KCNN2: variants seen among roughly 807,000 people sequenced by gnomAD.
KCNN2 encodes the protein potassium calcium-activated channel subfamily N member 2.
KCNN2 carries 24 observed loss-of-function variants against 55.5 expected under a neutral mutation model. That is an observed-to-expected ratio of 0.43 (90% CI 0.31 to 0.61). The LOEUF (loss-of-function observed/expected upper bound fraction) is 0.61, where lower values mean the gene tolerates loss of function less well. Ranked by LOEUF, KCNN2 falls within the 20% of genes least tolerant of loss-of-function variation. The pLI is 0.08. For synonymous variants in KCNN2, 431 were observed against 336.1 expected, an observed-to-expected ratio of 1.28 and a Z score of -3.09; for missense variants, 754 against 853.6, an observed-to-expected ratio of 0.88 and a Z score of 1.45.
intron 3 of KCNN2, among the ~76,000 whole-genome samples, chr5:114,428,595 CTT>C (rs1388720343): frequency 6.6e-6 from 1 of 151,936 alleles, no homozygotes; most frequent in African/African-American, 2.4e-5. Flanking sequence ...ATACTAATGT[CTT>C]TGTGAAAATT....
intron 2 of KCNN2, among the ~76,000 whole-genome samples, chr5:114,332,787 C>T (rs1056458635): frequency 6.6e-6 from 1 of 152,202 alleles, no homozygotes; most frequent in Non-Finnish European, 1.5e-5. Context: ...TGCTTTAATA[C>T]ATTGAATTAA....
chr5:114,164,653 T>C (rs529263730), intron 1 of KCNN2, among the ~76,000 whole-genome samples: 9 of 152,278 alleles, frequency 5.9e-5, no homozygotes, highest in East Asian at 5.8e-4. Context: ...TCCATTAAAA[T>C]TGGAATTCTA....
intron 1 of KCNN2, among the ~76,000 whole-genome samples, chr5:114,071,160 G>A (rs940555783): frequency 3.9e-5 from 6 of 152,198 alleles, no homozygotes; most frequent in African/African-American, 1.4e-4. Context: ...ATTAAAGGAT[G>A]TTATATAATG....
intron 1 of KCNN2, among the ~76,000 whole-genome samples, chr5:114,159,028 C>T (rs896633606): frequency 6.6e-6 from 1 of 152,052 alleles, no homozygotes; most frequent in Non-Finnish European, 1.5e-5. Flanking sequence ...TGGCCAGAAC[C>T]TCCAACACTA....
intron 1 of KCNN2, among the ~76,000 whole-genome samples, chr5:114,173,709 C>A (rs1174519433): frequency 6.6e-6 from 1 of 150,728 alleles, no homozygotes; most frequent in Non-Finnish European, 1.5e-5. Flanking sequence ...TCCTTTAGTT[C>A]TTTTGTTAAT....
intron 2 of KCNN2, among the ~76,000 whole-genome samples, chr5:114,306,395 C>G (rs1047270219): frequency 6.6e-6 from 1 of 152,164 alleles, no homozygotes; most frequent in African/African-American, 2.4e-5. Flanking sequence ...ATTAAAGTCC[C>G]TGGTAGTGAT....
chr5:114,321,824 C>A (rs538236767), intron 2 of KCNN2, among the ~76,000 whole-genome samples: 2 of 152,272 alleles, frequency 1.3e-5, no homozygotes, highest in African/African-American at 4.8e-5. Flanking sequence ...CACGTGCCAC[C>A]ATGCCCGGCT....
chr5:114,085,667 T>C (rs1323211017), intron 1 of KCNN2, among the ~76,000 whole-genome samples: 1 of 152,100 alleles, frequency 6.6e-6, no homozygotes, highest in Non-Finnish European at 1.5e-5. Context: ...CAGCATAAAA[T>C]CTAAGTTGGT....
intron 1 of KCNN2, among the ~76,000 whole-genome samples, chr5:114,085,703 A>C (rs1043043299): frequency 6.6e-6 from 1 of 152,090 alleles, no homozygotes; most frequent in Non-Finnish European, 1.5e-5. Flanking sequence ...ACTTGAAAAT[A>C]ATTTTGAGTT....
chr5:114,398,730 T>G (rs1350496616), intron 2 of KCNN2, among the ~76,000 whole-genome samples: 6 of 152,210 alleles, frequency 3.9e-5, no homozygotes, highest in Non-Finnish European at 7.3e-5. Flanking sequence ...GGCAGTGTTT[T>G]GTAATTTTCC....
intron 2 of KCNN2, among the ~76,000 whole-genome samples, chr5:114,395,075 GA>G (rs1758575094): frequency 6.6e-6 from 1 of 152,174 alleles, no homozygotes; most frequent in Admixed American, 6.6e-5. Flanking sequence ...GATGTTTAAT[GA>G]ATTGTCCCCG....
At chr5:114,142,711 A>G (rs574781501) in intron 1 of KCNN2, among the ~76,000 whole-genome samples, 1 of 152,170 alleles carries the variant, frequency 6.6e-6, no homozygotes, top group Non-Finnish European at 1.5e-5. Flanking sequence ...CAACAAAATA[A>G]AAGAGGACAC....
chr5:114,473,725 A>G (rs1199186511), intron 5 of KCNN2, among the ~76,000 whole-genome samples: 1 of 152,190 alleles, frequency 6.6e-6, no homozygotes, highest in African/African-American at 2.4e-5. Flanking sequence ...CAGTAATCAC[A>G]ATGTTTAAGA....
chr5:114,137,185 G>C (rs1476128187), intron 1 of KCNN2, among the ~76,000 whole-genome samples: 2 of 152,132 alleles, frequency 1.3e-5, no homozygotes, highest in African/African-American at 4.8e-5. Context: ...GTTATGCACA[G>C]GTCATGAAGT....
intron 2 of KCNN2, among the ~76,000 whole-genome samples, chr5:114,309,504 A>G (rs1756355708): frequency 6.6e-6 from 1 of 152,226 alleles, no homozygotes; most frequent in Admixed American, 6.5e-5. Context: ...TTCCTCAAAT[A>G]TTAGGAGACA....
At position 114,404,489 on chromosome 5, in the gene KCNN2, G is replaced by A. The variant is rs1428004692; in HGVS notation, c.1270G>A (p.Glu424Lys). ...ADDWRIAMTY[E>K]RIFFICLEIL... ...TGACTGGAGAATAGCCATGACTTAT[G>A]AGCGTATTTTCTTCATCTGCTTGGA... The change falls in exon 3 of 8, where the codon GAG (glutamate) becomes AAG (lysine). Residue 424 changes from glutamate to lysine, a missense_variant. Glu to Lys is a moderately conservative substitution (Grantham distance 56, BLOSUM62 1). Around this residue, in one of 4 missense-constraint regions of KCNN2, gnomAD observed 123 missense variants for 204.9 expected, o/e 0.60. Coordinates refer to ENST00000673685, the MANE Select transcript of KCNN2 (RefSeq NM_021614.4). 10 of 1,613,492 alleles carry A rather than the reference G, an allele frequency of 6.2e-6. No homozygotes were observed. The highest frequency in any genetic ancestry group is 8.5e-6 in the Non-Finnish European group (10 of 1,179,958).
intron 1 of KCNN2, among the ~76,000 whole-genome samples, chr5:114,100,524 A>G (rs1004811028): frequency 2.6e-5 from 4 of 152,092 alleles, no homozygotes; most frequent in Non-Finnish European, 5.9e-5. Context: ...AATGAAAAGA[A>G]GAGAGGAAGT....
At chr5:114,489,844 C>T (rs1489057748) in intron 6 of KCNN2, among the ~76,000 whole-genome samples, 1 of 152,178 alleles carries the variant, frequency 6.6e-6, no homozygotes, top group Non-Finnish European at 1.5e-5. Context: ...TGGGTACAAT[C>T]AGACCTTACT....
chr5:114,486,553 C>A, intron 5 of KCNN2: 1 of 286,534 alleles, frequency 3.5e-6, no homozygotes, highest in Non-Finnish European at 6.8e-6. Context: ...ATTGCTAAGT[C>A]ATTCTGGGAG....
Sources: gnomAD v4.1 joint callset for allele counts (sites outside exome capture counted in the v4.1 genomes callset) on GRCh38, gnomAD v4.1.1 for gene constraint, gnomAD v4.1.1 regional missense constraint, MANE v1.5 for transcripts, NCBI Gene and HGNC (gene_info 2026-07-23, HGNC 2026-07-21) for gene names.